FAM9A: variants seen among roughly 807,000 people sequenced by gnomAD.
The protein encoded by FAM9A is protein FAM9A.
Under a neutral mutation model 25.0 loss-of-function variants are expected in FAM9A, and 49 were observed. That is an observed-to-expected ratio of 1.96 (90% CI 1.56 to 2.48). FAM9A has a LOEUF of 2.48. FAM9A is among the 30% of genes most tolerant of loss of function. FAM9A has a pLI of 0.00. For synonymous variants in FAM9A, 80 were observed against 85.1 expected (o/e 0.94, Z 0.33); for missense variants, 266 against 249.3 (o/e 1.07, Z -0.45).
Position 8,796,367 on chromosome X carries a change from C to T in FAM9A, c.389G>A (p.Gly130Asp), listed in dbSNP as rs1401061025. ...LEHIAADIKKGLAAKREMIKI... is the reference protein window; with the variant it reads ...LEHIAADIKKDLAAKREMIKI... The stretch of plus-strand genomic sequence containing the variant: ...TATCATTTCTCTTTTTGCAGCAAGG[C>T]CCTTTTTAATGTCAGCTAGATAGTA... The change falls in exon 6 of 10, where the codon GGC becomes GAC. Residue 130 changes from glycine to aspartate, a missense_variant. Physicochemically the swap from Gly to Asp is moderately conservative, Grantham distance 94. Transcript: ENST00000381003. 1 of 1,186,943 alleles carries T rather than the reference C, an allele frequency of 8.4e-7. No homozygotes were observed. Among genetic ancestry groups the T allele is most frequent in the South Asian group, 1.9e-5 (1 of 53,852 alleles).
At chrX:8,800,729 T>G (rs866008804) in intron 1 of FAM9A, among the ~76,000 whole-genome samples, 1 of 11,973 alleles carries the variant, frequency 8.4e-5, no homozygotes, top group Non-Finnish European at 1.5e-4. Context: ...CCTCCTCCCC[T>G]TCCCCCATCC....
chrX:8,796,263 C>A lies in FAM9A; in HGVS notation c.488+5G>T. Reference sequence around the variant, plus strand: ...ATCATTATGCAAAAAAGCCAACAATCATACCTTTTTAGTTGTTTTTTTTTC... The same window carrying A: ...ATCATTATGCAAAAAAGCCAACAATAATACCTTTTTAGTTGTTTTTTTTTC... On this transcript the variant is annotated splice_donor_5th_base_variant and intron_variant, in intron 6 of 9. Transcript: ENST00000381003. The A allele has an allele frequency of 1.7e-6, 2 of 1,149,659 alleles. No homozygotes were observed. Among genetic ancestry groups the A allele is most frequent in the Non-Finnish European group, 2.4e-6 (2 of 848,927 alleles). 94.7% of individuals were successfully genotyped at this position (1,149,659 alleles called of 1,213,427 possible). A position where few individuals can be genotyped will look rare whatever the true frequency, so the allele number is the denominator to read the frequency against.
At chrX:8,792,392 A>G (rs1933480521) in intron 8 of FAM9A, among the ~76,000 whole-genome samples, 2 of 111,145 alleles carry the variant, frequency 1.8e-5, no homozygotes, top group African/African-American at 6.6e-5. Flanking sequence ...GTTTAATAGT[A>G]CAAGCAAGGA....
chrX:8,794,581 C>T (rs749561560), intron 7 of FAM9A, among the ~76,000 whole-genome samples: 2 of 111,746 alleles, frequency 1.8e-5, no homozygotes, highest in African/African-American at 6.5e-5. Flanking sequence ...ATCTTCCCAA[C>T]ATACAGCCAC....
At chrX:8,795,039 A>G in intron 7 of FAM9A, 39 bp downstream of exon 7, 2 of 1,148,038 alleles carry the variant, frequency 1.7e-6, no homozygotes, top group Non-Finnish European at 1.2e-6. Context: ...TGAGACATTG[A>G]TACAATAGGT....
intron 8 of FAM9A, 116 bp from the exon 9 acceptor site, chrX:8,791,495 T>G (rs1933471030): frequency 1.9e-6 from 1 of 526,639 alleles, no homozygotes; most frequent in African/African-American, 2.4e-5. Flanking sequence ...TGCTGGTTAT[T>G]TATTTCAATT....
intron 8 of FAM9A, 136 bp downstream of exon 8, chrX:8,793,522 C>T: frequency 6.4e-6 from 3 of 472,315 alleles, no homozygotes; most frequent in Admixed American, 4.0e-5. Context: ...TGGAACAATA[C>T]ATTCAAAGTG....
rs1190000954 is a variant in FAM9A, at chrX:8,796,524, C to T, written c.374-142G>A. On this transcript the variant is annotated intron_variant, in intron 5 of 9. Coordinates refer to ENST00000381003, the MANE Select transcript of FAM9A (RefSeq NM_174951.3). The stretch of plus-strand genomic sequence containing the variant: ...AAAATACAAAGATCATTTCAAAAAG[C>T]AAGATTTACTCACTTGTTTTCTGTA... The T allele has an allele frequency of 1.1e-5, 5 of 446,046 alleles. No individual in the cohort carries two copies. The Admixed American group carries it at 1.3e-4, about 12-fold the overall frequency. The allele number at this position is 446,046 out of a possible 1,213,427, so 36.8% of individuals were successfully genotyped here.
At position 8,798,930 on chromosome X, in the gene FAM9A, T is replaced by C. The variant is rs1455662710; in HGVS notation, c.220+36A>G. ...AGCAGACAGACCGTCCTCTTGGGCG[T>C]GCACCTTCTTTTCTGGCCCCTTGGG... On this transcript the variant is annotated intron_variant, in intron 3 of 9. Transcript: ENST00000381003. 26 of 1,210,646 alleles carry C rather than the reference T, an allele frequency of 2.1e-5. No homozygotes were observed. The Admixed American group carries it at 5.7e-4, about 26-fold the overall frequency.
At chrX:8,793,359 T>G (rs1602068134) in intron 8 of FAM9A, among the ~76,000 whole-genome samples, 1 of 112,241 alleles carries the variant, frequency 8.9e-6, no homozygotes, top group Non-Finnish European at 1.9e-5. Flanking sequence ...ACAAAAAATG[T>G]GCAGCCTCCG....
intron 1 of FAM9A, among the ~76,000 whole-genome samples, chrX:8,801,048 C>T (rs1196333582): frequency 3.1e-5 from 3 of 97,852 alleles, no homozygotes; most frequent in Non-Finnish European, 6.2e-5. Flanking sequence ...CCCCAGGCAA[C>T]GATGCCAGGG....
At position 8,795,356 on chromosome X, in the gene FAM9A, T is replaced by C; in HGVS notation, c.553A>G (p.Lys185Glu). Residue 185 changes from lysine (K) to glutamate (E), a missense_variant, in exon 7 of 10, where the codon AAG becomes GAG. Coordinates refer to ENST00000381003, the MANE Select transcript of FAM9A (RefSeq NM_174951.3). ...TCTTCTGCTTCATCATCTTTCTGCT[T>C]CTCTGCGATGTATTCTTTAAGGACA... ...LNVLKEYIAE[K>E]QKDDEAEEAE... is the part of the protein sequence containing the mutation. The C allele has an allele frequency of 8.3e-7, 1 of 1,208,766 alleles. No individual in the cohort carries two copies. The highest frequency in any genetic ancestry group is 1.1e-6 in the Non-Finnish European group (1 of 894,425).
In FAM9A at chrX:8,794,987, C is replaced by T. The variant is rs375463084; in HGVS notation, c.831+91G>A. On this transcript the variant is annotated intron_variant, in intron 7 of 9. Coordinates refer to ENST00000381003, the MANE Select transcript of FAM9A (RefSeq NM_174951.3). ...GGGCCCCCCTCTCTGGGCTCATGCT[C>T]TCTTCCTTCTTTGCTGGATTTCTGC... 2.3e-4 allele frequency: 257 copies of T among 1,116,296 alleles called. No individual in the cohort carries two copies. The East Asian group carries it at 7.3e-3, about 32-fold the overall frequency. The allele number at this position is 1,116,296 out of a possible 1,213,427, so 92.0% of individuals were successfully genotyped here. A position where few individuals can be genotyped will look rare whatever the true frequency, so the allele number is the denominator to read the frequency against.
rs1255409436 is a variant in FAM9A, at chrX:8,795,267, T to G, written c.642A>C (p.Ala214=). ...CTTCGTCTTCTACTACTATTACTTC[T>G]GCTGCTGCTGCTGCGGCTTCTGCTG... ...AAAAEAAAAA[A]EVIVVEDEEE... Residue 214 remains alanine (A), a synonymous_variant, in exon 7 of 10, where the codon GCA becomes GCC. Transcript: ENST00000381003. The G allele has an allele frequency of 1.7e-6, 2 of 1,144,565 alleles. No individual in the cohort carries two copies. The highest frequency in any genetic ancestry group is 3.6e-5 in the African/African-American group (2 of 55,197). The allele number at this position is 1,144,565 out of a possible 1,213,427, so 94.3% of individuals were successfully genotyped here.
chrX:8,800,037 C>G, intron 2 of FAM9A, 44 bp downstream of exon 2: 1 of 1,184,598 alleles, frequency 8.4e-7, no homozygotes. Context: ...TGCCCATGTG[C>G]CCCCCGCGCA....
chrX:8,791,266 T>C lies in FAM9A; in HGVS notation c.*31+14A>G. ...TCAATCCTGAGTTTTTAAACTTAAATATGCACTACTTACAGTTCTGACACG... is the reference window on the plus strand; with the variant it reads ...TCAATCCTGAGTTTTTAAACTTAAACATGCACTACTTACAGTTCTGACACG... On this transcript the variant is annotated intron_variant, in intron 9 of 9. Transcript: ENST00000381003. The C allele has an allele frequency of 9.4e-7, 1 of 1,061,096 alleles. No individual in the cohort carries two copies. Among genetic ancestry groups the C allele is most frequent in the Non-Finnish European group, 1.3e-6 (1 of 780,140 alleles). 87.4% of individuals were successfully genotyped at this position (1,061,096 alleles called of 1,213,427 possible). A position where few individuals can be genotyped will look rare whatever the true frequency, so the allele number is the denominator to read the frequency against.
intron 5 of FAM9A, among the ~76,000 whole-genome samples, chrX:8,797,094 T>C (rs1569104657): frequency 8.9e-6 from 1 of 112,062 alleles, no homozygotes; most frequent in Non-Finnish European, 1.9e-5. Context: ...TTTTCAGCAA[T>C]CATAAAAGAT....
chrX:8,796,332 T>C lies in FAM9A; in HGVS notation c.424A>G (p.Lys142Glu), dbSNP rs1437242257. 2 of 1,202,752 alleles carry C rather than the reference T, an allele frequency of 1.7e-6. No individual in the cohort carries two copies. The highest frequency in any genetic ancestry group is 2.2e-6 in the Non-Finnish European group (2 of 891,351). The change falls in exon 6 of 10, where the codon AAA (lysine) becomes GAA (glutamate). Residue 142 changes from lysine (K) to glutamate (E), a missense_variant. Lys to Glu is a moderately conservative substitution (Grantham distance 56, BLOSUM62 1). Transcript: ENST00000381003. ...AAKREMIKID[K>E]AAYRKTKNTI... is the part of the protein sequence containing the mutation. Reference sequence around the variant, plus strand: ...TTCTTGGTTTTCCTGTAAGCTGCTTTATCTATTTTTATCATTTCTCTTTTT... The same window carrying C: ...TTCTTGGTTTTCCTGTAAGCTGCTTCATCTATTTTTATCATTTCTCTTTTT...
intron 1 of FAM9A, among the ~76,000 whole-genome samples, chrX:8,800,470 C>G (rs1388704850): frequency 9.0e-6 from 1 of 110,524 alleles, no homozygotes; most frequent in Non-Finnish European, 1.9e-5. Flanking sequence ...GTCCCTGGGA[C>G]AGAGTTCAGC....
Sources: allele counts gnomAD v4.1 joint callset (sites outside exome capture counted in the v4.1 genomes callset), GRCh38; gene constraint gnomAD v4.1.1; transcripts MANE v1.5; gene names NCBI Gene and HGNC (gene_info 2026-07-23, HGNC 2026-07-21).